Variants in EXT2 observed in about 807,000 individuals in gnomAD.
EXT2 encodes exostosin-2.
In EXT2, 53 loss-of-function variants were observed where a neutral mutation model predicts 81.6. The observed-to-expected ratio is 0.65, with a 90% CI of 0.52 to 0.82. The LOEUF (loss-of-function observed/expected upper bound fraction) is 0.82. Ranked by LOEUF, EXT2 falls within the 40% of genes least tolerant of loss-of-function variation. The pLI, the probability that EXT2 is intolerant of heterozygous loss-of-function variation, is 0.00. For missense variants in EXT2, 774 were observed against 910.2 expected (o/e 0.85, Z 1.93); for synonymous variants, 320 against 340.0 (o/e 0.94, Z 0.65).
chr11:44,213,470 A>G (rs1309894856), intron 10 of EXT2, among the ~76,000 whole-genome samples: 14 of 152,360 alleles, frequency 9.2e-5, no homozygotes, highest in East Asian at 7.7e-4. Context: ...AAAGCCTCTA[A>G]TAAGCAATTA....
At chr11:44,231,158 G>GC (rs1325806614) in intron 10 of EXT2, among the ~76,000 whole-genome samples, 1 of 152,134 alleles carries the variant, frequency 6.6e-6, no homozygotes, top group Non-Finnish European at 1.5e-5. Flanking sequence ...AAGTTAGAAG[G>GC]CTAGCACAGT....
intron 1 of EXT2, among the ~76,000 whole-genome samples, chr11:44,101,309 C>G (rs968546989): frequency 1.3e-5 from 2 of 152,122 alleles, no homozygotes; most frequent in Non-Finnish European, 2.9e-5. Flanking sequence ...ACGACCCATA[C>G]CAGTGGTTTG....
At chr11:44,202,373 C>G (rs1305962518) in intron 9 of EXT2, among the ~76,000 whole-genome samples, 1 of 152,182 alleles carries the variant, frequency 6.6e-6, no homozygotes, top group African/African-American at 2.4e-5. Context: ...TACGTTCATA[C>G]TTAATCAAAG....
At chr11:44,132,255 C>T (rs1220275915) in intron 7 of EXT2, among the ~76,000 whole-genome samples, 1 of 152,212 alleles carries the variant, frequency 6.6e-6, no homozygotes, top group Non-Finnish European at 1.5e-5. Flanking sequence ...CGTCTACTGC[C>T]AGCTCACAGA....
chr11:44,235,059 T>A (rs10838246), intron 12 of EXT2, among the ~76,000 whole-genome samples: 137,263 of 152,122 alleles, frequency 0.9, 62,014 homozygotes, highest in East Asian at 0.99. Context: ...AACCAAAGTG[T>A]ATAGGGAATA....
rs141802817 is a variant in EXT2 at position 44,158,775 on chromosome 11, G to A, written c.1174-12836G>A. Reference sequence around the variant, plus strand: ...CATTTAACATTTCTTGCAAGGCAAGGCTACTGACAAATTTCCTCAATTTTT... The same window carrying A: ...CATTTAACATTTCTTGCAAGGCAAGACTACTGACAAATTTCCTCAATTTTT... On this transcript the variant is annotated intron_variant, in intron 7 of 13. Transcript: ENST00000533608. 8.6e-3 allele frequency among the ~76,000 whole-genome samples: 1,301 copies of A among 151,828 alleles called. 24 individuals carry two copies. Among genetic ancestry groups the A allele is most frequent in the African/African-American group, 0.029 (1,212 of 41,454 alleles).
At chr11:44,142,843 C>T (rs2135061419) in intron 7 of EXT2, among the ~76,000 whole-genome samples, 1 of 152,280 alleles carries the variant, frequency 6.6e-6, no homozygotes, top group African/African-American at 2.4e-5. Context: ...CTCCCTTCAG[C>T]TTAGAATAAC....
In EXT2 at chr11:44,232,374, C is replaced by T. The variant is rs749343014; in HGVS notation, c.1684C>T (p.Arg562Trp). Reference sequence around the variant, plus strand: ...TTAGGTCTGGCGGGAATTTCCTGACCGGTTGGTGGGTTACCCGGGTCGTCT... The same window carrying T: ...TTAGGTCTGGCGGGAATTTCCTGACTGGTTGGTGGGTTACCCGGGTCGTCT... The part of the protein sequence containing the change: ...GYEVWREFPD[R>W]LVGYPGRLHL... Residue 562 changes from arginine to tryptophan, a missense_variant, in exon 11 of 14, where the codon CGG becomes TGG. By Grantham distance (101) the Arg-to-Trp change is moderately radical (BLOSUM62 -3). Transcript: ENST00000533608. 2.9e-5 allele frequency: 47 copies of T among 1,613,722 alleles called. No individual in the cohort carries two copies. The highest frequency in any genetic ancestry group is 3.5e-5 in the Non-Finnish European group (41 of 1,179,916).
chr11:44,221,138 A>T (rs902559580), intron 10 of EXT2, among the ~76,000 whole-genome samples: 1 of 152,196 alleles, frequency 6.6e-6, no homozygotes, highest in African/African-American at 2.4e-5. Context: ...GCTTGCTGGC[A>T]CATCTGCCCA....
chr11:44,156,060 C>A (rs1954851699), intron 7 of EXT2, among the ~76,000 whole-genome samples: 2 of 152,166 alleles, frequency 1.3e-5, no homozygotes, highest in African/African-American at 4.8e-5. Context: ...TTTCTTCTAG[C>A]CTGTAAGGTT....
rs559280035 is a variant in EXT2, at chr11:44,107,958, T to C, written c.246T>C (p.Asp82=). 3.1e-6 allele frequency: 5 copies of C among 1,614,194 alleles called. No homozygotes were observed. The East Asian group carries it at 1.1e-4, about 36-fold the overall frequency. ...ACAGTCCCATCCCAGAGCGGGGGGATCTCAGTTGCAGAATGCACACGTGTT... is the reference window on the plus strand; with the variant it reads ...ACAGTCCCATCCCAGAGCGGGGGGACCTCAGTTGCAGAATGCACACGTGTT... The part of the protein sequence containing the change: ...PADSPIPERG[D]LSCRMHTCFD... Residue 82 remains aspartate, a synonymous_variant, in exon 2 of 14, where the codon GAT becomes GAC. Transcript: ENST00000533608.
At chr11:44,096,294 C>CT in intron 1 of EXT2, 1 of 1,535,974 alleles carries the variant, frequency 6.5e-7, no homozygotes, top group Non-Finnish European at 8.7e-7. Context: ...TGCGGCATCC[C>CT]TTGCGGTGCC....
intron 7 of EXT2, among the ~76,000 whole-genome samples, chr11:44,137,500 G>A (rs1954587908): frequency 1.3e-5 from 2 of 151,896 alleles, no homozygotes; most frequent in Admixed American, 6.6e-5. Context: ...TTTTCCAAGA[G>A]CAGCTCACCA....
intron 7 of EXT2, among the ~76,000 whole-genome samples, chr11:44,158,757 C>T (rs1434208117): frequency 6.6e-6 from 1 of 151,954 alleles, no homozygotes; most frequent in African/African-American, 2.4e-5. Context: ...GAACATTTAA[C>T]ATTTCTTGCA....
intron 7 of EXT2, among the ~76,000 whole-genome samples, chr11:44,164,973 G>A (rs1224797034): frequency 2.0e-5 from 3 of 151,092 alleles, no homozygotes; most frequent in Non-Finnish European, 4.4e-5. Flanking sequence ...CCGCCTCCCG[G>A]GTTCACGCCA....
intron 8 of EXT2, among the ~76,000 whole-genome samples, chr11:44,179,214 A>G (rs1256444849): frequency 6.6e-6 from 1 of 152,182 alleles, no homozygotes; most frequent in Admixed American, 6.5e-5. Context: ...GGATATTGCT[A>G]AGATGATCTT....
chr11:44,164,410 A>G (rs555010302), intron 7 of EXT2, among the ~76,000 whole-genome samples: 1 of 152,338 alleles, frequency 6.6e-6, no homozygotes, highest in South Asian at 2.1e-4. Context: ...TGAGAGGTTA[A>G]GTAACTTAAA....
chr11:44,231,408 G>C (rs11037908), intron 10 of EXT2, among the ~76,000 whole-genome samples: 1 of 152,120 alleles, frequency 6.6e-6, no homozygotes, highest in Non-Finnish European at 1.5e-5. Context: ...GGACGTGTTA[G>C]GTTTGTTTAT....
chr11:44,126,626 C>G (rs563505671), intron 5 of EXT2, among the ~76,000 whole-genome samples, 190 bp from the exon 6 acceptor site: 1 of 152,318 alleles, frequency 6.6e-6, no homozygotes, highest in South Asian at 2.1e-4. Context: ...AATATTAATA[C>G]AAAACATTGC....
Sources: allele counts gnomAD v4.1 joint callset (sites outside exome capture counted in the v4.1 genomes callset), GRCh38; gene constraint gnomAD v4.1.1; transcripts MANE v1.5; gene names NCBI Gene and HGNC (gene_info 2026-07-23, HGNC 2026-07-21).